PEPD: variants seen among roughly 807,000 people sequenced by gnomAD.
The protein encoded by PEPD is xaa-Pro dipeptidase.
In PEPD, 53 loss-of-function variants were observed where a neutral mutation model predicts 60.7. That is an observed-to-expected ratio of 0.87 (90% confidence interval 0.70 to 1.10). PEPD has a LOEUF of 1.10. PEPD is among the 50% of genes least tolerant of loss of function. The pLI is 0.00. For synonymous variants in PEPD, 267 were observed against 284.1 expected, an observed-to-expected ratio of 0.94 and a Z score of 0.60; for missense variants, 711 against 711.9, an observed-to-expected ratio of 1.00 and a Z score of 0.01.
At chr19:33,404,794 T>C (rs1457819568) in intron 11 of PEPD, among the ~76,000 whole-genome samples, 1 of 150,764 alleles carries the variant, frequency 6.6e-6, no homozygotes, top group Non-Finnish European at 1.5e-5. Context: ...CGTGCTCCTC[T>C]CAGTTCCCTA....
chr19:33,400,306 C>T (rs932865853), intron 12 of PEPD, among the ~76,000 whole-genome samples: 2 of 152,222 alleles, frequency 1.3e-5, no homozygotes, highest in Non-Finnish European at 2.9e-5. Context: ...GTGCTGAGGG[C>T]GGGCCCTGGC....
At chr19:33,420,738 G>C (rs1428266565) in intron 9 of PEPD, among the ~76,000 whole-genome samples, 1 of 135,644 alleles carries the variant, frequency 7.4e-6, no homozygotes, top group Non-Finnish European at 1.7e-5. Context: ...AAAATGATTA[G>C]CTGTAATTAA....
At chr19:33,509,006 C>T (rs1251281665) in intron 3 of PEPD, among the ~76,000 whole-genome samples, 5 of 152,226 alleles carry the variant, frequency 3.3e-5, no homozygotes, top group African/African-American at 1.2e-4. Context: ...GCAAGCCCCA[C>T]GGCCTCTCAG....
intron 1 of PEPD, among the ~76,000 whole-genome samples, chr19:33,514,413 C>T (rs1041468330): frequency 1.3e-5 from 2 of 152,048 alleles, no homozygotes; most frequent in Admixed American, 1.3e-4. Context: ...GAGCAGGTCA[C>T]ACCTCCTGCA....
At chr19:33,461,049 G>A (rs1374054452) in intron 9 of PEPD, among the ~76,000 whole-genome samples, 1 of 152,154 alleles carries the variant, frequency 6.6e-6, no homozygotes, top group Non-Finnish European at 1.5e-5. Context: ...GGATCAATAT[G>A]GACTAGATAT....
intron 12 of PEPD, among the ~76,000 whole-genome samples, chr19:33,400,775 C>A (rs1968468737): frequency 6.6e-6 from 1 of 152,222 alleles, no homozygotes; most frequent in Non-Finnish European, 1.5e-5. Flanking sequence ...AGGTGACAAG[C>A]CAGGACCTCC....
At chr19:33,423,521 G>A (rs1969079329) in intron 9 of PEPD, among the ~76,000 whole-genome samples, 1 of 152,210 alleles carries the variant, frequency 6.6e-6, no homozygotes, top group African/African-American at 2.4e-5. Flanking sequence ...AGGCTCGTCT[G>A]CCCACAGGAA....
intron 9 of PEPD, among the ~76,000 whole-genome samples, chr19:33,460,115 T>C (rs1034693211): frequency 7.2e-5 from 11 of 152,224 alleles, no homozygotes; most frequent in African/African-American, 2.6e-4. Context: ...TAGAAGAGAT[T>C]TTTATTCCCC....
intron 7 of PEPD, among the ~76,000 whole-genome samples, chr19:33,473,444 T>C (rs562763175): frequency 1.2e-4 from 18 of 152,246 alleles, no homozygotes; most frequent in Middle Eastern, 3.4e-3. Flanking sequence ...GGAGCAGAAA[T>C]AGACATGTTA....
chr19:33,442,109 A>T (rs1349273528), intron 9 of PEPD, among the ~76,000 whole-genome samples: 1 of 152,238 alleles, frequency 6.6e-6, no homozygotes, highest in Non-Finnish European at 1.5e-5. Flanking sequence ...GCTTAATAAT[A>T]GTCCCTGGGC....
At chr19:33,425,431 G>A (rs1969124112) in intron 9 of PEPD, among the ~76,000 whole-genome samples, 1 of 152,190 alleles carries the variant, frequency 6.6e-6, no homozygotes, top group Non-Finnish European at 1.5e-5. Context: ...AGGAAGGTGT[G>A]GGGGAAGCAA....
In PEPD at chr19:33,387,363, G is replaced by C. The variant is rs200567073; in HGVS notation, c.1463C>G (p.Pro488Arg). 45 of 1,613,904 alleles carry C rather than the reference G, an allele frequency of 2.8e-5. No individual in the cohort carries two copies. In the Admixed American group the frequency reaches 3.2e-4, roughly 11 times the overall value. Residue 488 changes from proline (P) to arginine (R), a missense_variant, in exon 15 of 15, where the codon CCC (proline) becomes CGC (arginine). Physicochemically the swap from Pro to Arg is moderately radical, Grantham distance 103. Coordinates refer to ENST00000244137, the MANE Select transcript of PEPD (RefSeq NM_000285.4). ...CMAGCDKAFT[P>R]FSGPK ...CTGGCTCTACTTGGGGCCAGAGAAG[G>C]GGGTAAAGGCCTTGTCACAGCCTGC...
rs1970486399 is a variant in PEPD, at chr19:33,490,915, G to T, written c.442-858C>A. Reference sequence around the variant, plus strand: ...TGACCTCAAGTGATCCGCGTACCTCGGCCTTCCAAAGTGCTGGGATTACAG... The same window carrying T: ...TGACCTCAAGTGATCCGCGTACCTCTGCCTTCCAAAGTGCTGGGATTACAG... On this transcript the variant is annotated intron_variant, in intron 5 of 14. Coordinates refer to ENST00000244137, the MANE Select transcript of PEPD (RefSeq NM_000285.4). 3.3e-5 allele frequency among the ~76,000 whole-genome samples: 5 copies of T among 151,822 alleles called. 1 individual carries two copies. In the South Asian group the frequency reaches 1.0e-3, roughly 32 times the overall value.
At chr19:33,391,234 G>T in intron 13 of PEPD, 61 bp downstream of exon 13, 1 of 1,377,506 alleles carries the variant, frequency 7.3e-7, no homozygotes, top group Non-Finnish European at 1.0e-6. Flanking sequence ...ACCCTGCCCT[G>T]GGGGTCAGGC....
chr19:33,520,633 C>G (rs1003417693), intron 1 of PEPD, among the ~76,000 whole-genome samples: 1 of 152,196 alleles, frequency 6.6e-6, no homozygotes, highest in Non-Finnish European at 1.5e-5. Flanking sequence ...GCTCTAAGCT[C>G]CCTCAACCTT....
chr19:33,496,924 A>G (rs1342153007), intron 4 of PEPD, among the ~76,000 whole-genome samples: 2 of 152,374 alleles, frequency 1.3e-5, no homozygotes, highest in African/African-American at 4.8e-5. Flanking sequence ...AAGCTGGACA[A>G]AAAAGCTGGA....
At chr19:33,463,243 A>C (rs1358836721) in intron 8 of PEPD, among the ~76,000 whole-genome samples, 1 of 152,256 alleles carries the variant, frequency 6.6e-6, no homozygotes, top group East Asian at 1.9e-4. Flanking sequence ...TTAAACTGCT[A>C]TGAAGCACTT....
At chr19:33,446,847 A>T (rs887807299) in intron 9 of PEPD, among the ~76,000 whole-genome samples, 25 of 152,314 alleles carry the variant, frequency 1.6e-4, no homozygotes, top group Admixed American at 1.4e-3. Context: ...TCTATGCGCC[A>T]GTCTCCACAG....
At chr19:33,450,261 C>G (rs901033728) in intron 9 of PEPD, among the ~76,000 whole-genome samples, 2 of 152,228 alleles carry the variant, frequency 1.3e-5, no homozygotes, top group African/African-American at 4.8e-5. Flanking sequence ...TCCCAAGGAG[C>G]CTGCCTTCTC....
Sources: gnomAD v4.1 joint callset for allele counts (sites outside exome capture counted in the v4.1 genomes callset) on GRCh38, gnomAD v4.1.1 for gene constraint, MANE v1.5 for transcripts, NCBI Gene and HGNC (gene_info 2026-07-23, HGNC 2026-07-21) for gene names.